MIGA1: variants seen among roughly 807,000 people sequenced by gnomAD.
MIGA1 encodes the protein mitoguardin 1.
Under a neutral mutation model 82.0 loss-of-function variants are expected in MIGA1, and 58 were observed. The ratio of observed to expected loss-of-function variants is 0.71; its 90% CI spans 0.57 to 0.88. MIGA1 has a LOEUF of 0.88. MIGA1 is among the 40% of genes least tolerant of loss of function. The pLI, the probability that MIGA1 is intolerant of heterozygous loss-of-function variation, is 0.00. For synonymous variants in MIGA1, 249 were observed against 253.6 expected (o/e 0.98, Z 0.17); for missense variants, 751 against 749.1 (o/e 1.00, Z -0.03).
intron 7 of MIGA1, among the ~76,000 whole-genome samples, chr1:77,840,721 A>C (rs1208270262): frequency 2.0e-5 from 3 of 152,190 alleles, no homozygotes; most frequent in Admixed American, 6.5e-5. Flanking sequence ...CTGAGGCAGG[A>C]GAATCGCTTG....
intron 8 of MIGA1, chr1:77,847,089 C>A: frequency 2.5e-6 from 2 of 800,116 alleles, no homozygotes; most frequent in South Asian, 2.7e-5. Flanking sequence ...GGGCCACGTT[C>A]AGTAGATATG....
At chr1:77,854,928 A>ATTGCAT (rs1485290187) in intron 8 of MIGA1, among the ~76,000 whole-genome samples, 1 of 151,930 alleles carries the variant, frequency 6.6e-6, no homozygotes, top group African/African-American at 2.4e-5. Flanking sequence ...CTTTGTTTTT[A>ATTGCAT]TTGCATTTGC....
chr1:77,866,494 G>A (rs1491001085), intron 14 of MIGA1, 103 bp downstream of exon 14: 4 of 1,057,144 alleles, frequency 3.8e-6, no homozygotes, highest in Non-Finnish European at 5.9e-6. Flanking sequence ...GCTGTAGGAG[G>A]GGTAGGAGGG....
At chr1:77,782,725 TA>T (rs1298797809) in intron 1 of MIGA1, 1 of 228,236 alleles carries the variant, frequency 4.4e-6, no homozygotes, top group African/African-American at 2.3e-5. Flanking sequence ...TGAAGATCTT[TA>T]AAATGAGACA....
At chr1:77,782,371 A>T (rs1365022649) in intron 1 of MIGA1, among the ~76,000 whole-genome samples, 2 of 152,138 alleles carry the variant, frequency 1.3e-5, no homozygotes, top group Non-Finnish European at 2.9e-5. Context: ...TTTTTGACTT[A>T]TTAGTTCAGC....
At position 77,877,924 on chromosome 1, in the gene MIGA1, GCTGCTACTTT is replaced by G. The variant is rs1337385448; in HGVS notation, c.*2861_*2870del. 4.6e-5 allele frequency: 7 copies of G among 152,488 alleles called. No individual in the cohort carries two copies. Among genetic ancestry groups the G allele is most frequent in the African/African-American group, 1.7e-4 (7 of 41,412 alleles). 9.4% of individuals were successfully genotyped at this position (152,488 alleles called of 1,614,324 possible). A position where few individuals can be genotyped will look rare whatever the true frequency, so the allele number is the denominator to read the frequency against. On this transcript the variant is annotated 3_prime_UTR_variant, in exon 16 of 16. Transcript: ENST00000370791. ...GAGTTTGTTTCTGGTCAGTTCAGTA[GCTGCTACTTT>G]AGCAAGATGTGGCCTTTCACAAAAG...
At chr1:77,845,755 G>A (rs920062298) in intron 8 of MIGA1, among the ~76,000 whole-genome samples, 2 of 152,138 alleles carry the variant, frequency 1.3e-5, no homozygotes, top group East Asian at 3.8e-4. Flanking sequence ...AGAATGCTTT[G>A]GGAAGTTAAA....
intron 8 of MIGA1, 35 bp from the exon 9 acceptor site, chr1:77,858,903 A>G: frequency 8.1e-7 from 1 of 1,234,722 alleles, no homozygotes; most frequent in Non-Finnish European, 1.2e-6. Context: ...CACTGCACCT[A>G]GCCTGTATTC....
chr1:77,853,741 A>G, intron 8 of MIGA1: 1 of 324,898 alleles, frequency 3.1e-6, no homozygotes, highest in Non-Finnish European at 5.9e-6. Flanking sequence ...TCATGCTTCC[A>G]GAAAAATCTC....
At chr1:77,849,404 C>A (rs1238880854) in intron 8 of MIGA1, among the ~76,000 whole-genome samples, 8 of 152,024 alleles carry the variant, frequency 5.3e-5, no homozygotes, top group Non-Finnish European at 8.8e-5. Context: ...CTAAAAAAAA[C>A]CTTTTTTTAA....
intron 12 of MIGA1, 121 bp downstream of exon 12, chr1:77,861,443 T>C: frequency 3.0e-6 from 2 of 664,108 alleles, no homozygotes; most frequent in South Asian, 4.0e-5. Flanking sequence ...TTGTGGGACA[T>C]CTTTTTTTCT....
intron 7 of MIGA1, among the ~76,000 whole-genome samples, chr1:77,819,324 C>A (rs1342347173): frequency 1.3e-5 from 2 of 152,098 alleles, no homozygotes; most frequent in Non-Finnish European, 2.9e-5. Context: ...ACTCTTGTCA[C>A]CCAGGCTGGA....
intron 7 of MIGA1, among the ~76,000 whole-genome samples, chr1:77,824,037 T>G (rs957336375): frequency 6.6e-6 from 1 of 152,238 alleles, no homozygotes; most frequent in African/African-American, 2.4e-5. Context: ...TCCGTAACAT[T>G]GCCATCCAAG....
At chr1:77,798,316 C>T (rs1682741310) in intron 2 of MIGA1, among the ~76,000 whole-genome samples, 1 of 152,102 alleles carries the variant, frequency 6.6e-6, no homozygotes, top group South Asian at 2.1e-4. Flanking sequence ...ATGGATTAGT[C>T]AGTTCTCACT....
chr1:77,802,800 A>C (rs1008935519), intron 3 of MIGA1, among the ~76,000 whole-genome samples: 3 of 151,928 alleles, frequency 2.0e-5, no homozygotes, highest in African/African-American at 4.8e-5. Flanking sequence ...AAAAAAAAAA[A>C]CCAAGAAACT....
intron 12 of MIGA1, among the ~76,000 whole-genome samples, chr1:77,863,394 T>G (rs994317004): frequency 2.6e-5 from 4 of 152,240 alleles, no homozygotes; most frequent in African/African-American, 9.6e-5. Flanking sequence ...TTTCCTTTAT[T>G]GTGCTTCACA....
At chr1:77,824,157 A>G (rs1000500658) in intron 7 of MIGA1, among the ~76,000 whole-genome samples, 6 of 152,260 alleles carry the variant, frequency 3.9e-5, no homozygotes, top group Admixed American at 2.0e-4. Context: ...AAAGAGCAGT[A>G]TTAAAATAGG....
chr1:77,805,675 G>A (rs1052529241), intron 4 of MIGA1, among the ~76,000 whole-genome samples: 8 of 151,404 alleles, frequency 5.3e-5, no homozygotes, highest in Non-Finnish European at 7.4e-5. Flanking sequence ...GATTACAGGC[G>A]TGCACCACCA....
intron 14 of MIGA1, among the ~76,000 whole-genome samples, chr1:77,872,340 C>G (rs1646852722): frequency 6.6e-6 from 1 of 152,138 alleles, no homozygotes; most frequent in African/African-American, 2.4e-5. Flanking sequence ...GCAGCTCACG[C>G]CTGTAATCCC....
Sources: allele counts gnomAD v4.1 joint callset (sites outside exome capture counted in the v4.1 genomes callset), GRCh38; gene constraint gnomAD v4.1.1; transcripts MANE v1.5; gene names NCBI Gene and HGNC (gene_info 2026-07-23, HGNC 2026-07-21).